ABTB3: variants seen among roughly 807,000 people sequenced by gnomAD.
The protein encoded by ABTB3 is ankyrin repeat- and BTB/POZ domain-containing protein 3.
the ABTB3 span, among the ~76,000 whole-genome samples, chr12:107,475,704 A>G: frequency 6.6e-6 from 1 of 151,948 alleles, no homozygotes; most frequent in South Asian, 2.1e-4. Flanking sequence ...TGCAGATGGT[A>G]TTGTTATTTT....
chr12:107,323,522 AT>A, the ABTB3 span, among the ~76,000 whole-genome samples: 1 of 152,084 alleles, frequency 6.6e-6, no homozygotes, highest in Non-Finnish European at 1.5e-5. Flanking sequence ...TTTTGTGTTG[AT>A]TTTCAGCTGT....
chr12:107,336,895 G>A, the ABTB3 span, among the ~76,000 whole-genome samples: 1 of 152,176 alleles, frequency 6.6e-6, no homozygotes, highest in Non-Finnish European at 1.5e-5. Flanking sequence ...GTGAATTAAT[G>A]GAGCTTCACT....
the ABTB3 span, among the ~76,000 whole-genome samples, chr12:107,637,784 TTTTG>T: frequency 2.7e-3 from 252 of 94,812 alleles, no homozygotes; most frequent in African/African-American, 0.012. Flanking sequence ...AGAGCACTGA[TTTTG>T]TGTGTGTGTG....
the ABTB3 span, among the ~76,000 whole-genome samples, chr12:107,348,134 C>T: frequency 1.3e-5 from 2 of 152,054 alleles, no homozygotes; most frequent in Non-Finnish European, 2.9e-5. Flanking sequence ...CAGAAAGTCT[C>T]CCCATACTTC....
At chr12:107,395,864 C>A in the ABTB3 span, among the ~76,000 whole-genome samples, 1 of 152,232 alleles carries the variant, frequency 6.6e-6, no homozygotes, top group Non-Finnish European at 1.5e-5. Context: ...GGCAACACAG[C>A]AACCCTGTAT....
At chr12:107,448,555 T>G in the ABTB3 span, among the ~76,000 whole-genome samples, 2,911 of 152,250 alleles carry the variant, frequency 0.019, 38 homozygotes, top group Non-Finnish European at 0.023. Flanking sequence ...GCCCAAGGCA[T>G]GGTGTGCAAA....
At chr12:107,627,867 A>G in the ABTB3 span, among the ~76,000 whole-genome samples, 31 of 152,354 alleles carry the variant, frequency 2.0e-4, no homozygotes, top group Admixed American at 1.2e-3. Context: ...TATTTACTTG[A>G]TCTTTTTCTT....
At chr12:107,540,141 T>C in the ABTB3 span, among the ~76,000 whole-genome samples, 4 of 152,176 alleles carry the variant, frequency 2.6e-5, no homozygotes, top group African/African-American at 9.7e-5. Context: ...AGAACAGAAA[T>C]GTATTTTCTT....
At chr12:107,525,324 CAAAAAAAAAAAA>C in the ABTB3 span, among the ~76,000 whole-genome samples, 7 of 34,892 alleles carry the variant, frequency 2.0e-4, no homozygotes, top group South Asian at 1.8e-3. Flanking sequence ...AAGATCCTGT[CAAAAAAAAAAAA>C]AAAAAAAAAA....
the ABTB3 span, among the ~76,000 whole-genome samples, chr12:107,381,503 A>C: frequency 6.6e-6 from 1 of 152,224 alleles, no homozygotes; most frequent in East Asian, 1.9e-4. Context: ...GCCAAGAAAG[A>C]GGAGAGCTCC....
the ABTB3 span, among the ~76,000 whole-genome samples, chr12:107,368,692 A>C: frequency 6.6e-6 from 1 of 152,198 alleles, no homozygotes; most frequent in Non-Finnish European, 1.5e-5. Flanking sequence ...CTGCTATGCC[A>C]GTCTAGACCC....
At chr12:107,458,389 C>CA in the ABTB3 span, among the ~76,000 whole-genome samples, 1 of 152,172 alleles carries the variant, frequency 6.6e-6, no homozygotes, top group African/African-American at 2.4e-5. Flanking sequence ...TGCCAAGGTC[C>CA]ATGCCTCTGG....
At chr12:107,607,554 C>G in the ABTB3 span, among the ~76,000 whole-genome samples, 1 of 152,188 alleles carries the variant, frequency 6.6e-6, no homozygotes, top group Non-Finnish European at 1.5e-5. Context: ...TATTGTCCCT[C>G]CCAGGGCTCT....
At chr12:107,406,947 CT>C in the ABTB3 span, among the ~76,000 whole-genome samples, 1 of 152,154 alleles carries the variant, frequency 6.6e-6, no homozygotes, top group Non-Finnish European at 1.5e-5. Flanking sequence ...CCAGAGAAGC[CT>C]GCGCTTTGAG....
At chr12:107,580,395 G>A in the ABTB3 span, among the ~76,000 whole-genome samples, 1 of 152,206 alleles carries the variant, frequency 6.6e-6, no homozygotes, top group Non-Finnish European at 1.5e-5. Flanking sequence ...TCAGTTGTAG[G>A]CATTGTCTCA....
the ABTB3 span, among the ~76,000 whole-genome samples, chr12:107,580,014 A>G: frequency 6.6e-6 from 1 of 152,196 alleles, no homozygotes; most frequent in Non-Finnish European, 1.5e-5. Flanking sequence ...ATGACTTTAG[A>G]GCAGAGGTTC....
chr12:107,465,539 C>T, the ABTB3 span, among the ~76,000 whole-genome samples: 4 of 152,210 alleles, frequency 2.6e-5, no homozygotes, highest in Non-Finnish European at 4.4e-5. Context: ...AATATAACAG[C>T]AGATGCAGTC....
chr12:107,506,213 G>T, the ABTB3 span, among the ~76,000 whole-genome samples: 1 of 152,116 alleles, frequency 6.6e-6, no homozygotes, highest in Non-Finnish European at 1.5e-5. Flanking sequence ...ATTACCAGAA[G>T]AAAACATGGT....
chr12:107,356,327 T>A, the ABTB3 span, among the ~76,000 whole-genome samples: 1 of 152,230 alleles, frequency 6.6e-6, no homozygotes, highest in Non-Finnish European at 1.5e-5. Flanking sequence ...AACGGAGTTA[T>A]CAAGGGGAAG....
Sources: gnomAD v4.1 joint callset for allele counts (sites outside exome capture counted in the v4.1 genomes callset) on GRCh38, gnomAD v4.1.1 for gene constraint, MANE v1.5 for transcripts, NCBI Gene and HGNC (gene_info 2026-07-23, HGNC 2026-07-21) for gene names.